Variants in GPR107 observed in about 807,000 individuals in gnomAD.
The protein encoded by GPR107 is protein GPR107.
Under a neutral mutation model 75.5 loss-of-function variants are expected in GPR107, and 31 were observed. That is an observed-to-expected ratio of 0.41 (90% CI 0.31 to 0.55). GPR107 has a LOEUF of 0.55. GPR107 is among the 20% of genes least tolerant of loss of function. The probability of loss-of-function intolerance (pLI) is 0.26; values close to 1 mark genes in which losing one functional copy is unlikely to be tolerated. For missense variants in GPR107, 572 were observed against 665.7 expected (o/e 0.86, Z 1.55); for synonymous variants, 267 against 251.3 (o/e 1.06, Z -0.59).
In GPR107 at chr9:130,121,166, G is replaced by A. The variant is rs565696265; in HGVS notation, c.1307-3749G>A. Among the ~76,000 whole-genome samples the A allele has an allele frequency of 8.1e-5, 12 of 148,860 alleles. No homozygotes were observed. In the South Asian group the frequency reaches 1.3e-3, roughly 16 times the overall value. ...ACTGCACTCCAGCCTGGGAGACAGCGAGTGAGACCCTATCTCAAAACAAAA... is the reference window on the plus strand; with the variant it reads ...ACTGCACTCCAGCCTGGGAGACAGCAAGTGAGACCCTATCTCAAAACAAAA... On this transcript the variant is annotated intron_variant, in intron 14 of 17. Coordinates refer to ENST00000347136, the MANE Select transcript of GPR107 (RefSeq NM_020960.5).
intron 1 of GPR107, among the ~76,000 whole-genome samples, chr9:130,062,316 G>A (rs965464524): frequency 5.9e-5 from 9 of 151,574 alleles, no homozygotes; most frequent in African/African-American, 1.7e-4. Flanking sequence ...GGGAGGCTGC[G>A]GCAAGAGAAT....
intron 1 of GPR107, among the ~76,000 whole-genome samples, chr9:130,062,647 TGCC>T (rs1326008443): frequency 0.016 from 1,226 of 78,084 alleles, 2 homozygotes; most frequent in Middle Eastern, 0.026. Context: ...CCTGCCTGCC[TGCC>T]TGCCTGCCTG....
At chr9:130,082,240 GA>G (rs1830508979) in intron 5 of GPR107, among the ~76,000 whole-genome samples, 1 of 152,106 alleles carries the variant, frequency 6.6e-6, no homozygotes. Flanking sequence ...ATTTGGAGGG[GA>G]CAGACATCTA....
rs116620946 is a variant in GPR107, at chr9:130,059,114, C to T, written c.141+5041C>T. On this transcript the variant is annotated intron_variant, in intron 1 of 17. Transcript: ENST00000347136. ...CAAACTATTTTCCAAAGTGGCTCTA[C>T]CATTTTACATCCCACTAGCAATTTA... Among the ~76,000 whole-genome samples the T allele has an allele frequency of 2.6e-3, 398 of 152,302 alleles. 3 individuals carry two copies. The highest frequency in any genetic ancestry group is 9.2e-3 in the African/African-American group (381 of 41,568).
chr9:130,072,531 T>A (rs1376965136), intron 1 of GPR107, among the ~76,000 whole-genome samples: 2 of 152,094 alleles, frequency 1.3e-5, no homozygotes, highest in African/African-American at 2.4e-5. Flanking sequence ...GATCTCGAAC[T>A]CTTGACCTCA....
intron 8 of GPR107, among the ~76,000 whole-genome samples, chr9:130,091,674 G>A (rs1830742610): frequency 6.6e-6 from 1 of 151,188 alleles, no homozygotes; most frequent in Non-Finnish European, 1.5e-5. Flanking sequence ...GATTACAGGC[G>A]CCTTTCACAA....
intron 1 of GPR107, among the ~76,000 whole-genome samples, chr9:130,062,848 C>T (rs1056507947): frequency 2.0e-5 from 3 of 152,048 alleles, no homozygotes; most frequent in African/African-American, 7.2e-5. Context: ...GCCTGCCTGC[C>T]TAGTAGCTAG....
At position 130,103,362 on chromosome 9, in the gene GPR107, G is replaced by T. The variant is rs1831083439; in HGVS notation, c.1132-1058G>T. Among the ~76,000 whole-genome samples, 2 of 152,158 alleles carry T rather than the reference G, an allele frequency of 1.3e-5. No individual in the cohort carries two copies. The highest frequency in any genetic ancestry group is 1.3e-4 in the Admixed American group (2 of 15,280). On this transcript the variant is annotated intron_variant, in intron 12 of 17. Coordinates refer to ENST00000347136, the MANE Select transcript of GPR107 (RefSeq NM_020960.5). The surrounding 1 kb of genome is among the most constrained non-coding windows in gnomAD (Gnocchi z 4.3). ...GAGGATTACCTTTTACAGCAAGTCAGGCAGAGATTTGGGACCAGGGACTTC... is the reference window on the plus strand; with the variant it reads ...GAGGATTACCTTTTACAGCAAGTCATGCAGAGATTTGGGACCAGGGACTTC...
Position 130,112,141 on chromosome 9 carries a change from C to T in GPR107, c.1306+4602C>T, listed in dbSNP as rs1283251931. Among the ~76,000 whole-genome samples, 2 of 152,198 alleles carry T rather than the reference C, an allele frequency of 1.3e-5. No homozygotes were observed. The highest frequency in any genetic ancestry group is 2.1e-4 in the South Asian group (1 of 4,814). On this transcript the variant is annotated intron_variant, in intron 14 of 17. Transcript: ENST00000347136. The surrounding 1 kb of genome is among the most constrained non-coding windows in gnomAD (Gnocchi z 4.0). ...TGCTGCTCACCATCCTTTTTTTGGGCCTTGTGTTTCTGAGGAAAAGTCAGA... is the reference window on the plus strand; with the variant it reads ...TGCTGCTCACCATCCTTTTTTTGGGTCTTGTGTTTCTGAGGAAAAGTCAGA...
At chr9:130,096,972 G>A (rs1830889506) in intron 9 of GPR107, among the ~76,000 whole-genome samples, 1 of 152,020 alleles carries the variant, frequency 6.6e-6, no homozygotes, top group Admixed American at 6.6e-5. Flanking sequence ...ACGTTTGACT[G>A]CTTTGGTCCT....
chr9:130,098,507 T>C (rs2132604802), intron 9 of GPR107, among the ~76,000 whole-genome samples: 1 of 152,328 alleles, frequency 6.6e-6, no homozygotes, highest in African/African-American at 2.4e-5. Context: ...CTCAGGTCCA[T>C]CTACCTCATT....
At chr9:130,058,977 T>C (rs958371133) in intron 1 of GPR107, among the ~76,000 whole-genome samples, 1 of 152,198 alleles carries the variant, frequency 6.6e-6, no homozygotes, top group Non-Finnish European at 1.5e-5. Context: ...AACGTTCACA[T>C]TGCAAGGCTT....
chr9:130,072,541 A>G (rs890644436), intron 1 of GPR107, among the ~76,000 whole-genome samples: 1 of 151,860 alleles, frequency 6.6e-6, no homozygotes, highest in African/African-American at 2.4e-5. Flanking sequence ...TCTTGACCTC[A>G]GGTGATCTGC....
chr9:130,110,781 G>A (rs1831278248), intron 14 of GPR107, among the ~76,000 whole-genome samples: 1 of 152,166 alleles, frequency 6.6e-6, no homozygotes, highest in Non-Finnish European at 1.5e-5. Context: ...AAGCGGGAGT[G>A]GGCATGCTTC....
intron 14 of GPR107, among the ~76,000 whole-genome samples, chr9:130,124,123 GGAA>G (rs1831617671): frequency 2.0e-5 from 3 of 152,198 alleles, no homozygotes. Context: ...GCCCAAAGGA[GGAA>G]GAAGAGGAAA....
intron 7 of GPR107, among the ~76,000 whole-genome samples, chr9:130,088,955 C>T (rs2132586519): frequency 6.6e-6 from 1 of 152,092 alleles, no homozygotes; most frequent in East Asian, 1.9e-4. Flanking sequence ...AGTTTGAGAC[C>T]AGCCTGGCAA....
chr9:130,106,252 A>G (rs1831151748), intron 13 of GPR107, among the ~76,000 whole-genome samples: 1 of 152,142 alleles, frequency 6.6e-6, no homozygotes, highest in Non-Finnish European at 1.5e-5. Context: ...TATCCTAAAA[A>G]TTACTGTAAA....
rs150351107 is a variant in GPR107 at position 130,068,891 on chromosome 9, G to A, written c.142-6745G>A. Among the ~76,000 whole-genome samples, 795 of 152,030 alleles carry A rather than the reference G, an allele frequency of 5.2e-3. 7 individuals are homozygous for A. The highest frequency in any genetic ancestry group is 0.018 in the African/African-American group (759 of 41,474). On this transcript the variant is annotated intron_variant, in intron 1 of 17. Transcript: ENST00000347136. Reference sequence around the variant, plus strand: ...GTAGCTGGGACCACAGGTGCACACTGCCACACCCAGCTAATTTTTTGTATT... The same window carrying A: ...GTAGCTGGGACCACAGGTGCACACTACCACACCCAGCTAATTTTTTGTATT...
At chr9:130,101,047 A>G in intron 11 of GPR107, 59 bp from the exon 12 acceptor site, 1 of 950,868 alleles carries the variant, frequency 1.1e-6, no homozygotes, top group South Asian at 1.3e-5. Flanking sequence ...TATGCAATCT[A>G]ACTGGCAGTG....
Sources: gnomAD v4.1 joint callset for allele counts (sites outside exome capture counted in the v4.1 genomes callset) on GRCh38, gnomAD v4.1.1 for gene constraint, Gnocchi (gnomAD v3.1) non-coding constraint, MANE v1.5 for transcripts, NCBI Gene and HGNC (gene_info 2026-07-23, HGNC 2026-07-21) for gene names.